LASP1: variants seen among roughly 807,000 people sequenced by gnomAD.
LASP1 encodes the protein LIM and SH3 protein 1, also known as LIM and SH3 domain protein 1.
In LASP1, 10 loss-of-function variants were observed where a neutral mutation model predicts 38.6. That is an observed-to-expected ratio of 0.26 (90% confidence interval 0.16 to 0.44). LASP1 has a LOEUF of 0.44. Among genes scored for constraint, LASP1 ranks in the 20% least tolerant of loss-of-function variants. The probability of loss-of-function intolerance (pLI) is 1.00; values close to 1 mark genes in which losing one functional copy is unlikely to be tolerated. For synonymous variants in LASP1, 132 were observed against 140.8 expected (o/e 0.94, Z 0.44); for missense variants, 243 against 375.7 (o/e 0.65, Z 2.92).
At chr17:38,898,628 A>AC (rs1567700656) in intron 4 of LASP1, 109 bp downstream of exon 4, 1 of 832,124 alleles carries the variant, frequency 1.2e-6, no homozygotes, top group East Asian at 2.7e-5. Flanking sequence ...CAGTGCCTCC[A>AC]CTACCCCTGC....
intron 6 of LASP1, among the ~76,000 whole-genome samples, chr17:38,917,731 G>A (rs1185292501): frequency 6.6e-6 from 1 of 151,684 alleles, no homozygotes; most frequent in African/African-American, 2.4e-5. Context: ...TGCCCAGGCT[G>A]GAGTGCAGCA....
At chr17:38,874,659 G>A (rs1289590279) in intron 1 of LASP1, among the ~76,000 whole-genome samples, 1 of 152,164 alleles carries the variant, frequency 6.6e-6, no homozygotes, top group Non-Finnish European at 1.5e-5. Flanking sequence ...CTTGACACTT[G>A]TGCTTCATAG....
chr17:38,915,339 G>A (rs956534625), intron 6 of LASP1, 193 bp downstream of exon 6: 3 of 520,402 alleles, frequency 5.8e-6, no homozygotes, highest in East Asian at 3.2e-5. Flanking sequence ...GGGGCCCTGC[G>A]TTCCAGCCCT....
At position 38,878,172 on chromosome 17, in the gene LASP1, C is replaced by T; in HGVS notation, c.156C>T (p.Tyr52=). 3.7e-6 allele frequency: 6 copies of T among 1,611,642 alleles called. No individual in the cohort carries two copies. Among genetic ancestry groups the T allele is most frequent in the Non-Finnish European group, 5.1e-6 (6 of 1,177,910 alleles). ...KNYKGYEKKP[Y]CNAHYPKQSF... Reference sequence around the variant, plus strand: ...ACAAGGGCTACGAGAAGAAGCCCTACTGCAACGCGTGAGTCCTGTTCTGGG... The same window carrying T: ...ACAAGGGCTACGAGAAGAAGCCCTATTGCAACGCGTGAGTCCTGTTCTGGG... Residue 52 remains tyrosine, a synonymous_variant, in exon 2 of 7, where the codon TAC becomes TAT. Transcript: ENST00000318008.
chr17:38,898,028 TGGTAGTGCC>T (rs1914537191), intron 3 of LASP1, among the ~76,000 whole-genome samples: 1 of 152,218 alleles, frequency 6.6e-6, no homozygotes, highest in Non-Finnish European at 1.5e-5. Context: ...GTTTGCACTC[TGGTAGTGCC>T]GGACATTGAC....
intron 4 of LASP1, among the ~76,000 whole-genome samples, chr17:38,911,586 G>A (rs653342): frequency 0.28 from 41,938 of 152,038 alleles, 6,735 homozygotes; most frequent in Middle Eastern, 0.5. Context: ...GAGTGGGCTG[G>A]GAGAGTCACT....
chr17:38,910,171 C>T (rs1914894320), intron 4 of LASP1, among the ~76,000 whole-genome samples: 1 of 152,214 alleles, frequency 6.6e-6, no homozygotes, highest in Non-Finnish European at 1.5e-5. Flanking sequence ...TGCTAAAATA[C>T]ATTTAACCAA....
chr17:38,910,651 T>G lies in LASP1; in HGVS notation c.358-3674T>G, dbSNP rs1290290357. ...CATATTCCAGAACCCCAGCCCTGAT[T>G]TTGTAGATTTTCTGGAAGGCCCCAG... On this transcript the variant is annotated intron_variant, in intron 4 of 6. Transcript: ENST00000318008. Among the ~76,000 whole-genome samples the G allele has an allele frequency of 2.6e-5, 4 of 151,878 alleles. 1 individual carries two copies. Among genetic ancestry groups the G allele is most frequent in the Admixed American group, 1.3e-4 (2 of 15,248 alleles).
chr17:38,870,404 GGGGA>G, intron 1 of LASP1, 146 bp downstream of exon 1: 5 of 867,986 alleles, frequency 5.8e-6, no homozygotes, highest in Non-Finnish European at 8.8e-6. Flanking sequence ...CATGGGGTGT[GGGGA>G]CACATCCCAG....
chr17:38,912,809 TCTAA>T (rs1173202143), intron 4 of LASP1, among the ~76,000 whole-genome samples: 6 of 152,184 alleles, frequency 3.9e-5, no homozygotes, highest in African/African-American at 1.2e-4. Flanking sequence ...ACCATTTCTC[TCTAA>T]CTCAGTTGGC....
chr17:38,896,359 A>G, intron 3 of LASP1, among the ~76,000 whole-genome samples: 1 of 152,170 alleles, frequency 6.6e-6, no homozygotes. Flanking sequence ...GCTTAGAAAC[A>G]CACAGCAAGG....
chr17:38,876,176 CTTTTT>C (rs899457098), intron 1 of LASP1, among the ~76,000 whole-genome samples: 8 of 127,628 alleles, frequency 6.3e-5, no homozygotes, highest in African/African-American at 2.5e-4. Flanking sequence ...GATCGTTTCT[CTTTTT>C]TTTTTTTTTT....
chr17:38,890,377 C>A (rs759782019), intron 2 of LASP1, 43 bp from the exon 3 acceptor site: 5 of 1,563,572 alleles, frequency 3.2e-6, no homozygotes, highest in South Asian at 1.1e-5. Context: ...GGCTCCTGCC[C>A]CTCCCCCAGA....
At chr17:38,900,533 C>T (rs554972062) in intron 4 of LASP1, among the ~76,000 whole-genome samples, 7 of 152,140 alleles carry the variant, frequency 4.6e-5, no homozygotes, top group Admixed American at 1.3e-4. Flanking sequence ...ATTAGCTGGG[C>T]GTGGTGGCGT....
chr17:38,870,127 C>G lies in LASP1; in HGVS notation c.-63C>G. 1 of 1,595,338 alleles carries G rather than the reference C, an allele frequency of 6.3e-7. No individual in the cohort carries two copies. ...TGCAGCCGCGGCCGCCTCCCGCCAG[C>G]TCGCCTCGGGGAACAGGACGCGCGT... On this transcript the variant is annotated 5_prime_UTR_variant, in exon 1 of 7. Transcript: ENST00000318008.
chr17:38,893,026 C>T (rs1274132647), intron 3 of LASP1, among the ~76,000 whole-genome samples: 4 of 152,228 alleles, frequency 2.6e-5, no homozygotes, highest in Admixed American at 1.3e-4. Flanking sequence ...CAAGCATGCA[C>T]GCATGTATGC....
At chr17:38,878,951 G>A (rs978927636) in intron 2 of LASP1, among the ~76,000 whole-genome samples, 2 of 151,928 alleles carry the variant, frequency 1.3e-5, no homozygotes, top group African/African-American at 4.8e-5. Context: ...AGAGCCTGGA[G>A]GAATACCTCC....
chr17:38,912,667 G>A (rs1398316142), intron 4 of LASP1, among the ~76,000 whole-genome samples: 1 of 152,172 alleles, frequency 6.6e-6, no homozygotes, highest in Non-Finnish European at 1.5e-5. Context: ...TGTGTCTGGA[G>A]AAGGTGCCAT....
In LASP1 at chr17:38,920,250, G is replaced by A. The variant is rs1263422409; in HGVS notation, c.*1472G>A. 6.8e-6 allele frequency: 3 copies of A among 441,010 alleles called. No homozygotes were observed. Among genetic ancestry groups the A allele is most frequent in the South Asian group, 2.0e-5 (1 of 49,394 alleles). 27.3% of individuals were successfully genotyped at this position (441,010 alleles called of 1,614,324 possible). A position where few individuals can be genotyped will look rare whatever the true frequency, so the allele number is the denominator to read the frequency against. ...TCTGTCTGGGGCTACAGAATAGGGTGGCAGAAGTGTCACCCTGTGGGTGTC... is the reference window on the plus strand; with the variant it reads ...TCTGTCTGGGGCTACAGAATAGGGTAGCAGAAGTGTCACCCTGTGGGTGTC... On this transcript the variant is annotated 3_prime_UTR_variant, in exon 7 of 7. Transcript: ENST00000318008.
Sources: gnomAD v4.1 joint callset for allele counts (sites outside exome capture counted in the v4.1 genomes callset) on GRCh38, gnomAD v4.1.1 for gene constraint, MANE v1.5 for transcripts, NCBI Gene and HGNC (gene_info 2026-07-23, HGNC 2026-07-21) for gene names.